A1BG: variants seen among roughly 807,000 people sequenced by gnomAD.
A1BG encodes the protein alpha-1-B glycoprotein.
A neutral mutation model predicts 46.0 loss-of-function variants in A1BG; 44 were observed. That is an observed-to-expected ratio of 0.96 (90% CI 0.75 to 1.23). The LOEUF (loss-of-function observed/expected upper bound fraction) is 1.23. Ranked by LOEUF, A1BG falls within the 50% of genes most tolerant of loss-of-function variation. A1BG has a pLI of 0.00. For missense variants in A1BG, 707 were observed against 688.8 expected (o/e 1.03, Z -0.30); for synonymous variants, 316 against 314.7 (o/e 1.00, Z -0.04).
intron 6 of A1BG, chr19:58,350,124 C>G (rs1419823068): frequency 2.0e-6 from 1 of 494,562 alleles, no homozygotes; most frequent in Non-Finnish European, 3.5e-6. Context: ...CTGGGGCCAG[C>G]CTCCCTGCTG....
At position 58,346,730 on chromosome 19, in the gene A1BG, A is replaced by C; in HGVS notation, c.*292T>G. The C allele has an allele frequency of 1.9e-6, 1 of 514,794 alleles. No individual in the cohort carries two copies. The allele number at this position is 514,794 out of a possible 1,614,324, so 31.9% of individuals were successfully genotyped here. On this transcript the variant is annotated 3_prime_UTR_variant, in exon 8 of 8. Coordinates refer to ENST00000263100, the MANE Select transcript of A1BG (RefSeq NM_130786.4). Reference sequence around the variant, plus strand: ...TGAGACCCTGTCTCAAAAAAGAAAAAAGAAAAGAAAACTGTGCTCTTAAGA... The same window carrying C: ...TGAGACCCTGTCTCAAAAAAGAAAACAGAAAAGAAAACTGTGCTCTTAAGA...
Position 58,347,654 on chromosome 19 carries a change from G to T in A1BG, c.1193-14C>A. Reference sequence around the variant, plus strand: ...TGGGAGGGGGTCCTGGGCGGAGCGGGCGGGTGGTCGGGCCAGGCCACGCCC... The same window carrying T: ...TGGGAGGGGGTCCTGGGCGGAGCGGTCGGGTGGTCGGGCCAGGCCACGCCC... On this transcript the variant is annotated splice_polypyrimidine_tract_variant and intron_variant, in intron 6 of 7. Coordinates refer to ENST00000263100, the MANE Select transcript of A1BG (RefSeq NM_130786.4). 1.4e-6 allele frequency: 2 copies of T among 1,379,658 alleles called. No homozygotes were observed. The highest frequency in any genetic ancestry group is 2.0e-5 in the African/African-American group (1 of 50,740). The allele number at this position is 1,379,658 out of a possible 1,614,324, so 85.5% of individuals were successfully genotyped here. A position where few individuals can be genotyped will look rare whatever the true frequency, so the allele number is the denominator to read the frequency against.
rs183853818 is a variant in A1BG, at chr19:58,346,579, A to G, written c.*443T>C. On this transcript the variant is annotated 3_prime_UTR_variant, in exon 8 of 8. Coordinates refer to ENST00000263100, the MANE Select transcript of A1BG (RefSeq NM_130786.4). ...TCTACAAAAAATAATAATTAGCCAG[A>G]CGTGGCGATGCATGCCCAGGCTCCC... is the stretch of plus-strand genomic sequence containing the variant. 17 of 256,650 alleles carry G rather than the reference A, an allele frequency of 6.6e-5. No homozygotes were observed. In the East Asian group the frequency reaches 1.9e-3, roughly 28 times the overall value. The allele number at this position is 256,650 out of a possible 1,614,324, so 15.9% of individuals were successfully genotyped here. A position where few individuals can be genotyped will look rare whatever the true frequency, so the allele number is the denominator to read the frequency against.
chr19:58,350,688 C>A, intron 5 of A1BG, 37 bp from the exon 6 acceptor site: 7 of 1,333,962 alleles, frequency 5.2e-6, no homozygotes, highest in Non-Finnish European at 6.7e-6. Context: ...GGGCGCCCAG[C>A]GGCTGGCTCG....
At chr19:58,347,767 G>C in intron 6 of A1BG, 127 bp from the exon 7 acceptor site, 1 of 558,868 alleles carries the variant, frequency 1.8e-6, no homozygotes, top group South Asian at 8.4e-5. Flanking sequence ...TCCCTGTCTT[G>C]TTCCTGGGCG....
rs1373221004 is a variant in A1BG, at chr19:58,352,364, C to T, written c.532G>A (p.Gly178Ser). 1.2e-6 allele frequency: 2 copies of T among 1,613,896 alleles called. No individual in the cohort carries two copies. Among genetic ancestry groups the T allele is most frequent in the Non-Finnish European group, 1.7e-6 (2 of 1,180,032 alleles). The change falls in exon 4 of 8, where the codon GGC becomes AGC. Residue 178 changes from glycine to serine, a missense_variant. Physicochemically the swap from Gly to Ser is moderately conservative, Grantham distance 56 (BLOSUM62 0). Transcript: ENST00000263100. ...GTCCGGTAGCTGCAGCTGTAGTTGCCAGGCTGATGGACTGGAAAGGTGGCC... is the reference window on the plus strand; with the variant it reads ...GTCCGGTAGCTGCAGCTGTAGTTGCTAGGCTGATGGACTGGAAAGGTGGCC... ...VEATFPVHQPGNYSCSYRTDG... is the reference protein window; with the variant it reads ...VEATFPVHQPSNYSCSYRTDG...
At position 58,350,404 on chromosome 19, in the gene A1BG, G is replaced by A. The variant is rs1188662646; in HGVS notation, c.1158C>T (p.Ser386=). 1.7e-5 allele frequency: 27 copies of A among 1,549,336 alleles called. No homozygotes were observed. Among genetic ancestry groups the A allele is most frequent in the Non-Finnish European group, 2.2e-5 (25 of 1,146,390 alleles). Residue 386 remains serine (S), a synonymous_variant, in exon 6 of 8, where the codon TCC becomes TCT. Coordinates refer to ENST00000263100, the MANE Select transcript of A1BG (RefSeq NM_130786.4). ...YVDLKPPFGG[S]APSERLELHV... is the part of the protein sequence containing the mutation. ...GCAGCTCCAAGCGCTCGCTGGGCGCGGAGCCCCCGAAAGGCGGCTTCAGGT... is the reference window on the plus strand; with the variant it reads ...GCAGCTCCAAGCGCTCGCTGGGCGCAGAGCCCCCGAAAGGCGGCTTCAGGT...
intron 4 of A1BG, 106 bp from the exon 5 acceptor site, chr19:58,351,793 T>TAA: frequency 9.8e-7 from 1 of 1,025,040 alleles, no homozygotes; most frequent in Non-Finnish European, 1.3e-6. Flanking sequence ...CACCCTTCCA[T>TAA]TCTTTTTTTT....
In A1BG at chr19:58,351,278, G is replaced by T; in HGVS notation, c.910+113C>A. The T allele has an allele frequency of 3.7e-6, 5 of 1,339,612 alleles. No homozygotes were observed. In the South Asian group the frequency reaches 5.3e-5, roughly 14 times the overall value. The allele number at this position is 1,339,612 out of a possible 1,614,324, so 83.0% of individuals were successfully genotyped here. A position where few individuals can be genotyped will look rare whatever the true frequency, so the allele number is the denominator to read the frequency against. The stretch of plus-strand genomic sequence containing the variant: ...CTGAATCGGCGGGTGGGCGGATAAA[G>T]TTGGTATTGGACCCTGGCCCAGAGC... On this transcript the variant is annotated intron_variant, in intron 5 of 7. Transcript: ENST00000263100.
chr19:58,352,905 C>G, intron 3 of A1BG, 23 bp downstream of exon 3: 1 of 1,600,070 alleles, frequency 6.2e-7, no homozygotes, highest in Non-Finnish European at 8.5e-7. Flanking sequence ...GCCTCCTGGC[C>G]CCCAATTCAT....
rs996930699 is a variant in A1BG at position 58,346,954 on chromosome 19, G to A, written c.*68C>T. On this transcript the variant is annotated 3_prime_UTR_variant, in exon 8 of 8. Transcript: ENST00000263100. ...CCCGGCCTTGTGCTGCAACAGGAGGGGAGGGAGCCAGTCCAGAATCCCCGG... is the reference window on the plus strand; with the variant it reads ...CCCGGCCTTGTGCTGCAACAGGAGGAGAGGGAGCCAGTCCAGAATCCCCGG... 3.8e-6 allele frequency: 6 copies of A among 1,576,254 alleles called. No homozygotes were observed. In the African/African-American group the frequency reaches 8.1e-5, roughly 21 times the overall value.
intron 6 of A1BG, 100 bp from the exon 7 acceptor site, chr19:58,347,740 C>G: frequency 1.4e-6 from 1 of 716,680 alleles, no homozygotes. Context: ...GCCTGCGCCT[C>G]AGCCCCGGCT....
chr19:58,347,204 G>A, intron 7 of A1BG, 149 bp downstream of exon 7: 3 of 1,367,498 alleles, frequency 2.2e-6, no homozygotes, highest in Non-Finnish European at 3.0e-6. Flanking sequence ...GCGGTTCCTC[G>A]CCCGCAATTC....
chr19:58,350,826 C>A (rs1453296203), intron 5 of A1BG, 175 bp from the exon 6 acceptor site: 7 of 537,176 alleles, frequency 1.3e-5, no homozygotes, highest in Non-Finnish European at 2.1e-5. Context: ...CCTTGGATAT[C>A]TCACACGCAC....
chr19:58,345,881 A>G lies in A1BG; in HGVS notation c.*1141T>C, dbSNP rs1480920029. On this transcript the variant is annotated 3_prime_UTR_variant, in exon 8 of 8. Transcript: ENST00000263100. ...CACAATTCATCAACTATTGGTTGAT[A>G]ATACTGATACGCATCTTCTGTGTGC... The G allele has an allele frequency of 6.6e-6, 1 of 152,292 alleles. No individual in the cohort carries two copies. Among genetic ancestry groups the G allele is most frequent in the Non-Finnish European group, 1.5e-5 (1 of 68,066 alleles). 9.4% of individuals were successfully genotyped at this position (152,292 alleles called of 1,614,324 possible).
intron 6 of A1BG, 26 bp from the exon 7 acceptor site, chr19:58,347,666 G>GCCAGGCCACGC (rs2051924608): frequency 1.7e-6 from 2 of 1,150,548 alleles, no homozygotes; most frequent in African/African-American, 5.5e-5. Context: ...GGGTGGTCGG[G>GCCAGGCCACGC]CCAGGCCACG....
chr19:58,345,446 T>TACC lies in A1BG; in HGVS notation c.*1575_*1576insGGT, dbSNP rs2051908808. ...TGGGAGGCTGAGGCGGGTGGATCAC[T>TACC]TGAGCTCAGGAGTTGGAGACCAGCC... On this transcript the variant is annotated 3_prime_UTR_variant, in exon 8 of 8. Coordinates refer to ENST00000263100, the MANE Select transcript of A1BG (RefSeq NM_130786.4). 1 of 152,098 alleles carries TACC rather than the reference T, an allele frequency of 6.6e-6. No homozygotes were observed. The highest frequency in any genetic ancestry group is 2.4e-5 in the African/African-American group (1 of 41,392). 9.4% of individuals were successfully genotyped at this position (152,098 alleles called of 1,614,324 possible). A position where few individuals can be genotyped will look rare whatever the true frequency, so the allele number is the denominator to read the frequency against.
intron 6 of A1BG, 46 bp from the exon 7 acceptor site, chr19:58,347,686 A>G (rs773174332): frequency 0.23 from 221,432 of 954,394 alleles, 33,331 homozygotes; most frequent in East Asian, 0.39. Flanking sequence ...GCCCCAGGCC[A>G]CGCCCCAGGC....
At chr19:58,350,902 GT>G (rs1018024406) in intron 5 of A1BG, 1 of 440,366 alleles carries the variant, frequency 2.3e-6, no homozygotes, top group Non-Finnish European at 4.0e-6. Flanking sequence ...ACGGGGACAT[GT>G]TTTGTGCATG....
Sources: allele counts gnomAD v4.1 joint callset, GRCh38; gene constraint gnomAD v4.1.1; transcripts MANE v1.5; gene names NCBI Gene and HGNC (gene_info 2026-07-23, HGNC 2026-07-21).